Variants in TCF4 observed in about 807,000 individuals in gnomAD.
TCF4 encodes the protein transcription factor 4, also known as SL3-3 enhancer factor 2.
A neutral mutation model predicts 82.1 loss-of-function variants in TCF4; 3 were observed. The observed-to-expected ratio is 0.04, with a 90% CI of 0.02 to 0.09. The LOEUF (loss-of-function observed/expected upper bound fraction) is 0.09, where lower values mean the gene tolerates loss of function less well. TCF4 is among the 10% of genes least tolerant of loss of function. The probability of loss-of-function intolerance (pLI) is 1.00; values close to 1 mark genes in which losing one functional copy is unlikely to be tolerated. For synonymous variants in TCF4, 276 were observed against 309.6 expected, an observed-to-expected ratio of 0.89 and a Z score of 1.14; for missense variants, 518 against 852.7, an observed-to-expected ratio of 0.61 and a Z score of 4.89.
At chr18:55,355,989 T>G (rs1431163441) in intron 6 of TCF4, among the ~76,000 whole-genome samples, 1 of 152,052 alleles carries the variant, frequency 6.6e-6, no homozygotes, top group Non-Finnish European at 1.5e-5. Context: ...GACAATGTAT[T>G]TGGGGGTGAG....
At chr18:55,474,370 C>T (rs1320125759) in intron 3 of TCF4, among the ~76,000 whole-genome samples, 1 of 152,092 alleles carries the variant, frequency 6.6e-6, no homozygotes, top group Non-Finnish European at 1.5e-5. Context: ...TTAAGTCATC[C>T]GGTCAACTGT....
chr18:55,632,834 T>C (rs1418144363), intron 1 of TCF4, among the ~76,000 whole-genome samples: 1 of 152,186 alleles, frequency 6.6e-6, no homozygotes, highest in Admixed American at 6.5e-5. Flanking sequence ...TTAACTGGGA[T>C]AGGGAATATT....
chr18:55,328,037 A>C (rs944141911), intron 8 of TCF4, among the ~76,000 whole-genome samples: 1 of 152,184 alleles, frequency 6.6e-6, no homozygotes. Flanking sequence ...TCACCCTGCA[A>C]ACAAGGTAAA....
At chr18:55,595,791 T>A (rs1242097888) in intron 2 of TCF4, among the ~76,000 whole-genome samples, 2 of 152,216 alleles carry the variant, frequency 1.3e-5, no homozygotes, top group Non-Finnish European at 2.9e-5. Flanking sequence ...TATTCTATTT[T>A]AAGGGTTTTG....
intron 3 of TCF4, among the ~76,000 whole-genome samples, chr18:55,556,273 A>G (rs1219166594): frequency 6.6e-6 from 1 of 152,200 alleles, no homozygotes; most frequent in Non-Finnish European, 1.5e-5. Flanking sequence ...GCTCAAGAGC[A>G]ATAGTGTTTA....
intron 3 of TCF4, among the ~76,000 whole-genome samples, chr18:55,478,552 C>CA (rs2096350570): frequency 1.3e-5 from 2 of 152,076 alleles, no homozygotes. Context: ...AAGTGGTACA[C>CA]AAAAGAAACC....
chr18:55,224,253 T>A lies in TCF4; in HGVS notation c.*3782A>T, dbSNP rs1370240567. ...CAGTTCATATATTTTCACCATTACA[T>A]ATGTCTATAATACTTGAAATGAGTA... On this transcript the variant is annotated 3_prime_UTR_variant, in exon 20 of 20. Coordinates refer to ENST00000354452, the MANE Select transcript of TCF4 (RefSeq NM_001083962.2). The A allele has an allele frequency of 6.6e-6, 1 of 152,096 alleles. No individual in the cohort carries two copies. The highest frequency in any genetic ancestry group is 1.5e-5 in the Non-Finnish European group (1 of 67,946). 9.4% of individuals were successfully genotyped at this position (152,096 alleles called of 1,614,324 possible).
intron 15 of TCF4, among the ~76,000 whole-genome samples, chr18:55,242,822 C>G (rs1487553804): frequency 6.6e-6 from 1 of 152,094 alleles, no homozygotes; most frequent in African/African-American, 2.4e-5. Flanking sequence ...GTTGGCTAGG[C>G]TGGTCTCGAA....
intron 8 of TCF4, among the ~76,000 whole-genome samples, chr18:55,315,284 A>G (rs1175280762): frequency 1.7e-4 from 26 of 152,164 alleles, no homozygotes; most frequent in Non-Finnish European, 4.4e-5. Flanking sequence ...ACAGAATGTT[A>G]GAGGCGTAGT....
At chr18:55,534,022 C>G (rs1159358681) in intron 3 of TCF4, among the ~76,000 whole-genome samples, 1 of 152,180 alleles carries the variant, frequency 6.6e-6, no homozygotes, top group East Asian at 1.9e-4. Flanking sequence ...ATACATGAGG[C>G]AACTTTGGGG....
At chr18:55,590,429 C>T (rs1240991034), upstream of TCF4, among the ~76,000 whole-genome samples, 1 of 152,242 alleles carries the variant, frequency 6.6e-6, no homozygotes, top group East Asian at 1.9e-4. Context: ...AGACCTTCAT[C>T]TATTGCTTTG....
intron 8 of TCF4, among the ~76,000 whole-genome samples, chr18:55,334,314 A>G (rs2078186505): frequency 6.6e-6 from 1 of 152,166 alleles, no homozygotes. Context: ...TAACTTTTAT[A>G]AATAACATAT....
intron 12 of TCF4, 24 bp from the exon 13 acceptor site, chr18:55,260,051 AAAAC>A (rs1477614848): frequency 6.5e-7 from 1 of 1,532,198 alleles, no homozygotes; most frequent in Admixed American, 1.7e-5. Flanking sequence ...GGAGAAAAAA[AAAAC>A]ACCCTCATTC....
At chr18:55,576,930 C>T (rs1188382039) in intron 3 of TCF4, among the ~76,000 whole-genome samples, 1 of 151,518 alleles carries the variant, frequency 6.6e-6, no homozygotes, top group Non-Finnish European at 1.5e-5. Flanking sequence ...TCTTCTTCTT[C>T]CAGTGTAGCC....
At chr18:55,410,243 A>G (rs1397112051) in intron 5 of TCF4, among the ~76,000 whole-genome samples, 1 of 152,148 alleles carries the variant, frequency 6.6e-6, no homozygotes, top group African/African-American at 2.4e-5. Context: ...AATACTCAGT[A>G]ATGGCCTATA....
intron 6 of TCF4, among the ~76,000 whole-genome samples, chr18:55,386,881 C>T (rs1437918950): frequency 6.6e-6 from 1 of 152,150 alleles, no homozygotes; most frequent in Admixed American, 6.5e-5. Context: ...AGGGGTGCTC[C>T]AGTTGAGTAG....
At position 55,295,056 on chromosome 18, in the gene TCF4, GGACT is replaced by G. The variant is rs368100014; in HGVS notation, c.550-15404_550-15401del. 8.2e-4 allele frequency among the ~76,000 whole-genome samples: 125 copies of G among 152,238 alleles called. 1 individual carries two copies. The highest frequency in any genetic ancestry group is 1.4e-3 in the Non-Finnish European group (97 of 68,010). ...CTGGATGGAGAATCAAAAACAGGTT[GGACT>G]GACTTATAAGGAGGCACAATCCAGA... On this transcript the variant is annotated intron_variant, in intron 8 of 19. Transcript: ENST00000354452.
intron 3 of TCF4, among the ~76,000 whole-genome samples, chr18:55,561,221 C>T (rs2097352358): frequency 6.6e-6 from 1 of 152,200 alleles, no homozygotes; most frequent in Non-Finnish European, 1.5e-5. Flanking sequence ...TCCCTCTACT[C>T]CAATGATACA....
chr18:55,251,930 G>GTTTTTTTTT (rs199695068), intron 15 of TCF4, among the ~76,000 whole-genome samples: 7 of 101,248 alleles, frequency 6.9e-5, no homozygotes, highest in African/African-American at 2.2e-4. Flanking sequence ...GGGGGATGAG[G>GTTTTTTTTT]TTTTTTTTTT....
Sources: gnomAD v4.1 joint callset for allele counts (sites outside exome capture counted in the v4.1 genomes callset) on GRCh38, gnomAD v4.1.1 for gene constraint, MANE v1.5 for transcripts, NCBI Gene and HGNC (gene_info 2026-07-23, HGNC 2026-07-21) for gene names.